Variants in POU6F2 observed in about 807,000 individuals in gnomAD.
POU6F2 encodes the protein POU class 6 homeobox 2.
POU6F2 carries 31 observed loss-of-function variants against 71.3 expected under a neutral mutation model. The observed-to-expected ratio is 0.43, with a 90% CI of 0.33 to 0.59. POU6F2 has a LOEUF of 0.59. POU6F2 is among the 20% of genes least tolerant of loss of function. The probability of loss-of-function intolerance (pLI) is 0.04; values close to 1 mark genes in which losing one functional copy is unlikely to be tolerated. For synonymous variants in POU6F2, 347 were observed against 355.7 expected (o/e 0.98, Z 0.27); for missense variants, 783 against 856.8 (o/e 0.91, Z 1.07).
At chr7:39,437,633 T>C (rs1033987606) in intron 7 of POU6F2, among the ~76,000 whole-genome samples, 1 of 152,218 alleles carries the variant, frequency 6.6e-6, no homozygotes, top group African/African-American at 2.4e-5. Flanking sequence ...TCAAATCTTC[T>C]CTGATCTCAG....
chr7:39,153,048 A>G (rs1168495133), intron 2 of POU6F2, among the ~76,000 whole-genome samples: 1 of 152,212 alleles, frequency 6.6e-6, no homozygotes, highest in Non-Finnish European at 1.5e-5. Flanking sequence ...TGGGAAAGAA[A>G]TAAGCACTGG....
intron 2 of POU6F2, among the ~76,000 whole-genome samples, chr7:39,106,716 AC>A (rs1791695687): frequency 6.6e-6 from 1 of 152,246 alleles, no homozygotes; most frequent in Admixed American, 6.5e-5. Context: ...AAGTAGAATT[AC>A]TAAATCAGTA....
intron 5 of POU6F2, among the ~76,000 whole-genome samples, chr7:39,352,604 G>C (rs1786159851): frequency 6.6e-6 from 1 of 152,166 alleles, no homozygotes. Context: ...CAGGAGAACT[G>C]TGTACAAAAT....
intron 4 of POU6F2, among the ~76,000 whole-genome samples, chr7:39,260,846 C>T (rs1282198557): frequency 6.6e-6 from 1 of 151,682 alleles, no homozygotes; most frequent in Non-Finnish European, 1.5e-5. Context: ...ACACACAATG[C>T]ACACATAGGT....
At chr7:39,273,407 G>A (rs980837702) in intron 4 of POU6F2, among the ~76,000 whole-genome samples, 1 of 152,224 alleles carries the variant, frequency 6.6e-6, no homozygotes, top group African/African-American at 2.4e-5. Context: ...CCTCTGTGGT[G>A]TTCTTTCCAA....
At chr7:39,191,168 A>G (rs1056452424) in intron 2 of POU6F2, among the ~76,000 whole-genome samples, 2 of 152,232 alleles carry the variant, frequency 1.3e-5, no homozygotes, top group Non-Finnish European at 2.9e-5. Flanking sequence ...TTAATAAGGC[A>G]TCTTAAAAGG....
intron 4 of POU6F2, among the ~76,000 whole-genome samples, chr7:39,268,007 G>T (rs544958768): frequency 8.1e-4 from 123 of 152,218 alleles, no homozygotes; most frequent in African/African-American, 2.8e-3. Context: ...GATCCTGAAG[G>T]TGCACCCCAC....
At chr7:39,103,886 T>C (rs1791624123) in intron 2 of POU6F2, among the ~76,000 whole-genome samples, 1 of 152,142 alleles carries the variant, frequency 6.6e-6, no homozygotes, top group Non-Finnish European at 1.5e-5. Context: ...AGGGCAAACA[T>C]CATGGACAAA....
At chr7:39,290,455 G>A (rs561144173) in intron 4 of POU6F2, among the ~76,000 whole-genome samples, 63 of 152,304 alleles carry the variant, frequency 4.1e-4, no homozygotes, top group African/African-American at 1.4e-3. Context: ...CTAAACATGG[G>A]TAGGCTATAT....
chr7:39,000,565 A>C (rs2696188), intron 1 of POU6F2, among the ~76,000 whole-genome samples: 21 of 88,604 alleles, frequency 2.4e-4, no homozygotes, highest in Non-Finnish European at 2.6e-4. Flanking sequence ...ACACACACAC[A>C]CCCTCCCAAC....
At chr7:39,094,728 T>A (rs1355333445) in intron 2 of POU6F2, among the ~76,000 whole-genome samples, 1 of 150,992 alleles carries the variant, frequency 6.6e-6, no homozygotes, top group Non-Finnish European at 1.5e-5. Flanking sequence ...AGCTAAGGGG[T>A]TAATATGATT....
intron 4 of POU6F2, among the ~76,000 whole-genome samples, chr7:39,280,133 A>G (rs555135040): frequency 6.6e-6 from 1 of 152,150 alleles, no homozygotes; most frequent in East Asian, 1.9e-4. Flanking sequence ...CTGTAAAGAC[A>G]CTCTTTCCAA....
intron 1 of POU6F2, among the ~76,000 whole-genome samples, chr7:39,068,838 G>A (rs1167524241): frequency 6.6e-6 from 1 of 152,046 alleles, no homozygotes; most frequent in African/African-American, 2.4e-5. Flanking sequence ...TTAGGATAGG[G>A]GTTCCCACTG....
At chr7:39,439,078 T>G (rs534637790) in intron 7 of POU6F2, among the ~76,000 whole-genome samples, 1 of 152,340 alleles carries the variant, frequency 6.6e-6, no homozygotes, top group East Asian at 1.9e-4. Context: ...AGTTAGCTCT[T>G]CTTGTTGAAT....
intron 4 of POU6F2, among the ~76,000 whole-genome samples, chr7:39,270,490 G>C (rs558748411): frequency 5.9e-5 from 9 of 152,330 alleles, no homozygotes; most frequent in African/African-American, 2.2e-4. Flanking sequence ...AATGGATTTA[G>C]TAAATGGCAG....
intron 2 of POU6F2, among the ~76,000 whole-genome samples, chr7:39,125,401 T>G (rs1267473763): frequency 6.6e-6 from 1 of 152,212 alleles, no homozygotes; most frequent in African/African-American, 2.4e-5. Flanking sequence ...TCCTCCTTTA[T>G]TATTTATAAC....
chr7:39,235,840 CAT>C (rs1446004952), intron 4 of POU6F2, among the ~76,000 whole-genome samples: 2 of 152,142 alleles, frequency 1.3e-5, no homozygotes, highest in Non-Finnish European at 2.9e-5. Flanking sequence ...GATGCAAACA[CAT>C]GTGGGGGAAA....
chr7:39,076,846 G>T (rs368606906), intron 1 of POU6F2, among the ~76,000 whole-genome samples: 1 of 146,388 alleles, frequency 6.8e-6, no homozygotes, highest in East Asian at 2.1e-4. Context: ...TCTCACTTTT[G>T]CAAAAGGTTG....
chr7:38,979,963 T>C (rs1004216815), intron 1 of POU6F2, among the ~76,000 whole-genome samples: 2 of 152,176 alleles, frequency 1.3e-5, no homozygotes, highest in African/African-American at 4.8e-5. Flanking sequence ...GGCTCAGGTA[T>C]ATACTTAAAA....
Sources: allele counts gnomAD v4.1 joint callset (sites outside exome capture counted in the v4.1 genomes callset), GRCh38; gene constraint gnomAD v4.1.1; transcripts MANE v1.5; gene names NCBI Gene and HGNC (gene_info 2026-07-23, HGNC 2026-07-21).